The following NAPA variants were observed in gnomAD, a reference collection of about 807,000 sequenced individuals.
NAPA encodes NSF attachment protein alpha.
Under a neutral mutation model 48.0 loss-of-function variants are expected in NAPA, and 18 were observed. The observed-to-expected ratio is 0.38, with a 90% CI of 0.26 to 0.56. The LOEUF is 0.56. Among genes scored for constraint, NAPA ranks in the 20% least tolerant of loss-of-function variants. The pLI is 0.77. For synonymous variants in NAPA, 152 were observed against 149.9 expected, an observed-to-expected ratio of 1.01 and a Z score of -0.10; for missense variants, 315 against 385.0, an observed-to-expected ratio of 0.82 and a Z score of 1.52.
intron 1 of NAPA, among the ~76,000 whole-genome samples, chr19:47,508,139 T>C (rs989562264): frequency 3.9e-5 from 6 of 152,016 alleles, no homozygotes; most frequent in Non-Finnish European, 7.4e-5. Flanking sequence ...CAAAGGAGTA[T>C]GAATTAAGCC....
In NAPA at chr19:47,500,752, G is replaced by C. The variant is rs1968556464; in HGVS notation, c.179-3C>G. On this transcript the variant is annotated splice_polypyrimidine_tract_variant and splice_region_variant and intron_variant, in intron 2 of 10. Coordinates refer to ENST00000263354, the MANE Select transcript of NAPA (RefSeq NM_003827.4). Reference sequence around the variant, plus strand: ...CTGGCAGAACGCGTTTCCAGCAGCTGGAACAGAAGAGAAGGGCAGTCCTGG... The same window carrying C: ...CTGGCAGAACGCGTTTCCAGCAGCTCGAACAGAAGAGAAGGGCAGTCCTGG... The C allele has an allele frequency of 1.2e-6, 2 of 1,600,794 alleles. No homozygotes were observed. The highest frequency in any genetic ancestry group is 2.7e-5 in the African/African-American group (2 of 74,378).
At chr19:47,510,916 T>C (rs932999337) in intron 1 of NAPA, among the ~76,000 whole-genome samples, 1 of 152,356 alleles carries the variant, frequency 6.6e-6, no homozygotes. Context: ...TTCTCCTAAC[T>C]GGCTGGTGCT....
chr19:47,500,395 C>T (rs1463797267), intron 3 of NAPA, among the ~76,000 whole-genome samples: 2 of 152,164 alleles, frequency 1.3e-5, no homozygotes, highest in Non-Finnish European at 2.9e-5. Context: ...TCAGCTGCAC[C>T]GACACCACCG....
chr19:47,495,632 A>G, intron 3 of NAPA, 36 bp from the exon 4 acceptor site: 2 of 1,607,944 alleles, frequency 1.2e-6, no homozygotes, highest in Non-Finnish European at 1.7e-6. Flanking sequence ...GACATGAGAA[A>G]GTGAAGTCGT....
Position 47,488,300 on chromosome 19 carries a change from C to G in NAPA, c.876G>C (p.Glu292Asp), listed in dbSNP as rs770949396. Residue 292 changes from glutamate to aspartate, a missense_variant, in exon 11 of 11, where the codon GAG (glutamate) becomes GAC (aspartate). Around this residue, in one of 3 missense-constraint regions of NAPA, gnomAD observed 137 missense variants for 150.1 expected, o/e 0.91. Transcript: ENST00000263354. ...GGCTGGGTGGGGCTTAGCGCAGGTC[C>G]TCCTCATCGCCCTGGATGGTCTTCT... ...RIKKTIQGDE[E>D]DLR is the part of the protein sequence containing the mutation. 4 of 1,613,034 alleles carry G rather than the reference C, an allele frequency of 2.5e-6. No individual in the cohort carries two copies. In the Admixed American group the frequency reaches 5.0e-5, roughly 20 times the overall value.
At chr19:47,502,987 T>C (rs1416465866) in intron 2 of NAPA, among the ~76,000 whole-genome samples, 1 of 152,250 alleles carries the variant, frequency 6.6e-6, no homozygotes, top group Non-Finnish European at 1.5e-5. Context: ...AGGGCTGCTG[T>C]GCTAACGCAA....
At chr19:47,484,538 A>G (rs1968013665), downstream of NAPA, 2 of 240,166 alleles carry the variant, frequency 8.3e-6, no homozygotes, top group Admixed American at 1.0e-4. Flanking sequence ...AGTGCATTCC[A>G]TCTAATACTT....
intron 3 of NAPA, among the ~76,000 whole-genome samples, chr19:47,500,288 A>G (rs1200975861): frequency 6.6e-6 from 1 of 152,164 alleles, no homozygotes; most frequent in East Asian, 1.9e-4. Context: ...CTGCATGTTA[A>G]TTCTGACAAC....
At chr19:47,513,451 T>C (rs553505852) in intron 1 of NAPA, among the ~76,000 whole-genome samples, 4 of 152,344 alleles carry the variant, frequency 2.6e-5, no homozygotes, top group African/African-American at 9.6e-5. Flanking sequence ...TAGGTTTGAT[T>C]TGTGATCTCC....
intron 1 of NAPA, among the ~76,000 whole-genome samples, chr19:47,510,866 G>A (rs1180371488): frequency 2.6e-5 from 4 of 152,190 alleles, no homozygotes; most frequent in African/African-American, 7.2e-5. Context: ...TTTGAGCTGC[G>A]CCCCCATCAC....
In NAPA at chr19:47,514,973, A is replaced by C. The variant is rs1457567300; in HGVS notation, c.-33T>G. On this transcript the variant is annotated 5_prime_UTR_variant, in exon 1 of 11. Coordinates refer to ENST00000263354, the MANE Select transcript of NAPA (RefSeq NM_003827.4). ...ACAAAGGGACTCAGCAAAGCGCCTG[A>C]CCCTGACCCTGGGAAGACTCAGCCG... is the stretch of plus-strand genomic sequence containing the variant. 3.1e-6 allele frequency: 5 copies of C among 1,602,062 alleles called. No individual in the cohort carries two copies. The South Asian group carries it at 3.3e-5, about 11-fold the overall frequency.
chr19:47,500,833 G>C, intron 2 of NAPA, 84 bp from the exon 3 acceptor site: 1 of 1,105,002 alleles, frequency 9.0e-7, no homozygotes, highest in Non-Finnish European at 1.3e-6. Flanking sequence ...TGGGAGGTGG[G>C]TCGGGCTCTC....
chr19:47,509,314 TA>T (rs1193243297), intron 1 of NAPA, among the ~76,000 whole-genome samples: 1 of 141,292 alleles, frequency 7.1e-6, no homozygotes. Flanking sequence ...TAAAATAAAA[TA>T]AAATAAAATA....
intron 2 of NAPA, among the ~76,000 whole-genome samples, chr19:47,503,045 G>A (rs1337016926): frequency 2.0e-5 from 3 of 152,178 alleles, no homozygotes; most frequent in South Asian, 2.1e-4. Context: ...CATGATTCAC[G>A]TTGTTATTGG....
intron 1 of NAPA, among the ~76,000 whole-genome samples, chr19:47,505,909 G>A (rs530713711): frequency 1.3e-5 from 2 of 151,556 alleles, no homozygotes; most frequent in East Asian, 1.9e-4. Flanking sequence ...TGTTCTTCCC[G>A]CACTCGCCCT....
Position 47,511,041 on chromosome 19 carries a change from T to A in NAPA, c.98+3802A>T, listed in dbSNP as rs191946859. 4.1e-4 allele frequency among the ~76,000 whole-genome samples: 63 copies of A among 152,284 alleles called. 1 individual carries two copies. The highest frequency in any genetic ancestry group is 1.5e-3 in the African/African-American group (61 of 41,558). ...AGGCAGGCGACAGCACAGACACCCA[T>A]CGCCTTGCGTCCCAGGTGCGGGCTC... On this transcript the variant is annotated intron_variant, in intron 1 of 10. Coordinates refer to ENST00000263354, the MANE Select transcript of NAPA (RefSeq NM_003827.4).
intron 9 of NAPA, 87 bp from the exon 10 acceptor site, chr19:47,489,848 G>T: frequency 7.1e-7 from 1 of 1,417,038 alleles, no homozygotes. Context: ...CTATCTGTAT[G>T]CCAGGCCTGG....
chr19:47,509,124 G>A (rs969013588), intron 1 of NAPA, among the ~76,000 whole-genome samples: 8 of 151,934 alleles, frequency 5.3e-5, no homozygotes, highest in Middle Eastern at 3.2e-3. Context: ...TCTGGCCTGG[G>A]AGGAGTCTTT....
intron 3 of NAPA, chr19:47,497,221 C>T (rs1599903005): frequency 5.6e-6 from 1 of 179,490 alleles, no homozygotes; most frequent in Non-Finnish European, 1.2e-5. Context: ...ACTCTCCTGG[C>T]CGGAACACCC....
Sources: gnomAD v4.1 joint callset for allele counts (sites outside exome capture counted in the v4.1 genomes callset) on GRCh38, gnomAD v4.1.1 for gene constraint, gnomAD v4.1.1 regional missense constraint, MANE v1.5 for transcripts, NCBI Gene and HGNC (gene_info 2026-07-23, HGNC 2026-07-21) for gene names.